The following PPP1R37 variants were observed in gnomAD, a reference collection of about 807,000 sequenced individuals.
The protein encoded by PPP1R37 is leucine rich repeat containing 68.
A neutral mutation model predicts 61.0 loss-of-function variants in PPP1R37; 21 were observed. That is an observed-to-expected ratio of 0.34 (90% CI 0.24 to 0.50). The LOEUF (loss-of-function observed/expected upper bound fraction) is 0.50. Among genes scored for constraint, PPP1R37 ranks in the 20% least tolerant of loss-of-function variants. The probability of loss-of-function intolerance (pLI) is 0.98; values close to 1 mark genes in which losing one functional copy is unlikely to be tolerated. For missense variants in PPP1R37, 910 were observed against 952.7 expected (o/e 0.96, Z 0.59); for synonymous variants, 443 against 433.5 (o/e 1.02, Z -0.27).
Position 45,145,520 on chromosome 19 carries a change from C to G in PPP1R37, c.1464C>G (p.Pro488=). 1 of 1,534,154 alleles carries G rather than the reference C, an allele frequency of 6.5e-7. No individual in the cohort carries two copies. Among genetic ancestry groups the G allele is most frequent in the South Asian group, 1.2e-5 (1 of 83,958 alleles). ...CCGAGCCCCAGCCCGACGACGAGCC[C>G]GCCGCTGGGGTGCAGAACGGGGCCC... ...TATEPQPDDE[P]AAGVQNGAPS... The change falls in exon 11 of 13, where the codon CCC becomes CCG. Residue 488 remains proline (P), a synonymous_variant. Transcript: ENST00000221462.
Position 45,146,448 on chromosome 19 carries a change from G to A in PPP1R37, c.2052G>A (p.Gln684=). Residue 684 remains glutamine, a synonymous_variant, in exon 12 of 13, where the codon CAG becomes CAA. Coordinates refer to ENST00000221462, the MANE Select transcript of PPP1R37 (RefSeq NM_019121.2). ...ELEELLLEAS[Q]ESGQETL is the part of the protein sequence containing the mutation. ...AGGAGCTGCTTCTGGAAGCCAGTCA[G>A]GAATCCGGGCAGGAGACACTGTGAC... 1 of 1,535,890 alleles carries A rather than the reference G, an allele frequency of 6.5e-7. No individual in the cohort carries two copies. Among genetic ancestry groups the A allele is most frequent in the Non-Finnish European group, 8.7e-7 (1 of 1,146,796 alleles).
chr19:45,140,766 A>T (rs190150031), intron 4 of PPP1R37, 160 bp downstream of exon 4: 2 of 614,058 alleles, frequency 3.3e-6, no homozygotes, highest in African/African-American at 1.8e-5. Flanking sequence ...GAGACATCCA[A>T]TATGACCAGA....
At chr19:45,100,167 GCTGT>G (rs1308828754) in intron 1 of PPP1R37, 1 of 152,238 alleles carries the variant, frequency 6.6e-6, no homozygotes, top group African/African-American at 2.4e-5. Flanking sequence ...ACCTCGCTTG[GCTGT>G]CTGTGTGCTT....
intron 1 of PPP1R37, among the ~76,000 whole-genome samples, chr19:45,126,183 C>A (rs1019497595): frequency 6.6e-6 from 1 of 152,236 alleles, no homozygotes; most frequent in African/African-American, 2.4e-5. Context: ...CAACTGGGAC[C>A]TTCCCTGCAG....
At chr19:45,113,120 G>C (rs1968222651) in intron 1 of PPP1R37, among the ~76,000 whole-genome samples, 1 of 152,220 alleles carries the variant, frequency 6.6e-6, no homozygotes, top group South Asian at 2.1e-4. Context: ...TGTGCGGCTG[G>C]CAGGGTCCTC....
chr19:45,137,282 A>G (rs1342957031), intron 1 of PPP1R37, among the ~76,000 whole-genome samples: 1 of 152,262 alleles, frequency 6.6e-6, no homozygotes, highest in Non-Finnish European at 1.5e-5. Context: ...TGAATGGGCA[A>G]ACACAACGCA....
intron 1 of PPP1R37, among the ~76,000 whole-genome samples, chr19:45,135,249 A>G (rs1968524479): frequency 7.1e-6 from 1 of 140,650 alleles, no homozygotes; most frequent in South Asian, 2.2e-4. Context: ...CTCTGTCTCA[A>G]AAAAAAAGAA....
intron 1 of PPP1R37, among the ~76,000 whole-genome samples, chr19:45,131,690 C>A (rs532821993): frequency 3.3e-5 from 5 of 152,218 alleles, no homozygotes; most frequent in Admixed American, 6.5e-5. Flanking sequence ...GAGTTCAAGA[C>A]CAGCCTGGGC....
Position 45,146,497 on chromosome 19 carries a change from G to T in PPP1R37, c.*8+17G>T. On this transcript the variant is annotated intron_variant, in intron 12 of 12. Transcript: ENST00000221462. ...ACACTTTAGGTGAGGCCAGGCCCGG[G>T]GCCCACAGCACTCGGGAGGAGCTGA... is the stretch of plus-strand genomic sequence containing the variant. The T allele has an allele frequency of 6.6e-7, 1 of 1,511,276 alleles. No homozygotes were observed. Among genetic ancestry groups the T allele is most frequent in the South Asian group, 1.2e-5 (1 of 83,462 alleles). The allele number at this position is 1,511,276 out of a possible 1,614,324, so 93.6% of individuals were successfully genotyped here. A position where few individuals can be genotyped will look rare whatever the true frequency, so the allele number is the denominator to read the frequency against.
chr19:45,117,984 G>A (rs1968292225), intron 1 of PPP1R37, among the ~76,000 whole-genome samples: 1 of 152,226 alleles, frequency 6.6e-6, no homozygotes, highest in Non-Finnish European at 1.5e-5. Context: ...AGAGGCTGTT[G>A]GGGGTGGAGG....
At position 45,145,692 on chromosome 19, in the gene PPP1R37, C is replaced by T. The variant is rs1248167767; in HGVS notation, c.1636C>T (p.Pro546Ser). ...CCTGGGCCCTGGGGACAGGAGTCCC[C>T]CAGGCAGCCCCTCCACACCCACCGA... ...DSLGPGDRSP[P>S]GSPSTPTEQR... Residue 546 changes from proline (P) to serine (S), a missense_variant, in exon 11 of 13, where the codon CCA becomes TCA. This residue lies in a region of PPP1R37 where 549 missense variants were observed against 505.1 expected (regional missense o/e 1.09). Transcript: ENST00000221462. The T allele has an allele frequency of 2.6e-6, 4 of 1,534,728 alleles. No individual in the cohort carries two copies. The highest frequency in any genetic ancestry group is 2.6e-6 in the Non-Finnish European group (3 of 1,146,304).
intron 1 of PPP1R37, among the ~76,000 whole-genome samples, chr19:45,113,744 C>G (rs1675697056): frequency 6.6e-6 from 1 of 152,244 alleles, no homozygotes; most frequent in Non-Finnish European, 1.5e-5. Flanking sequence ...ACTCCGTGAG[C>G]TCACTCAGAG....
chr19:45,140,469 T>C, intron 3 of PPP1R37, 37 bp from the exon 4 acceptor site: 1 of 1,478,248 alleles, frequency 6.8e-7, no homozygotes, highest in South Asian at 1.2e-5. Flanking sequence ...AAAGGTGCAC[T>C]GTCTTAGACA....
Position 45,119,860 on chromosome 19 carries a change from C to T in PPP1R37, c.203-18654C>T, listed in dbSNP as rs563839406. 1.4e-4 allele frequency among the ~76,000 whole-genome samples: 22 copies of T among 152,234 alleles called. No individual in the cohort carries two copies. In the South Asian group the frequency reaches 2.1e-3, roughly 14 times the overall value. On this transcript the variant is annotated intron_variant, in intron 1 of 12. Coordinates refer to ENST00000221462, the MANE Select transcript of PPP1R37 (RefSeq NM_019121.2). ...CACAACCTTGCTGTTTGAAGGAGGC[C>T]GCCGCCCCAGGAGGGGCTTTAGGGG...
chr19:45,146,176 T>G (rs1177447048), intron 11 of PPP1R37, 127 bp downstream of exon 11: 1 of 1,115,780 alleles, frequency 9.0e-7, no homozygotes, highest in Non-Finnish European at 1.2e-6. Flanking sequence ...GCCAGCAAAG[T>G]GGGGCTTAGT....
At chr19:45,138,912 T>C (rs1344555864) in intron 2 of PPP1R37, among the ~76,000 whole-genome samples, 1 of 129,112 alleles carries the variant, frequency 7.7e-6, no homozygotes, top group African/African-American at 3.5e-5. Context: ...ATTCTTTTTT[T>C]TTTTTTTTTT....
chr19:45,145,182 C>T lies in PPP1R37; in HGVS notation c.1218C>T (p.Leu406=). The stretch of plus-strand genomic sequence containing the variant: ...AGAACGAGATCAAGACAGGCGGGCT[C>T]ATGGCACTGTCGTTGGCCCTCAAGG... ...LRENEIKTGG[L]MALSLALKVN... The change falls in exon 10 of 13, where the codon CTC becomes CTT. Residue 406 remains leucine (L), a synonymous_variant. Coordinates refer to ENST00000221462, the MANE Select transcript of PPP1R37 (RefSeq NM_019121.2). The T allele has an allele frequency of 7.2e-6, 11 of 1,535,298 alleles. No individual in the cohort carries two copies. Among genetic ancestry groups the T allele is most frequent in the Non-Finnish European group, 9.6e-6 (11 of 1,146,520 alleles).
chr19:45,120,481 G>A lies in PPP1R37; in HGVS notation c.203-18033G>A, dbSNP rs556773750. Among the ~76,000 whole-genome samples the A allele has an allele frequency of 5.9e-5, 9 of 152,302 alleles. No homozygotes were observed. The East Asian group carries it at 7.7e-4, about 13-fold the overall frequency. On this transcript the variant is annotated intron_variant, in intron 1 of 12. Transcript: ENST00000221462. ...GTGGATGAACTCTGGGGAGCTAGCC[G>A]GTCCCTGCTGGTGGATATTGTGGTT...
intron 1 of PPP1R37, among the ~76,000 whole-genome samples, chr19:45,104,244 G>C (rs752406266): frequency 2.0e-5 from 3 of 152,172 alleles, no homozygotes; most frequent in Non-Finnish European, 4.4e-5. Flanking sequence ...GTTGTTATTT[G>C]TTCGGGCCCA....
Sources: gnomAD v4.1 joint callset for allele counts (sites outside exome capture counted in the v4.1 genomes callset) on GRCh38, gnomAD v4.1.1 for gene constraint, gnomAD v4.1.1 regional missense constraint, MANE v1.5 for transcripts, NCBI Gene and HGNC (gene_info 2026-07-23, HGNC 2026-07-21) for gene names.